The following DLG2 variants were observed in gnomAD, a reference collection of about 807,000 sequenced individuals.
The protein encoded by DLG2 is discs large MAGUK scaffold protein 2.
A neutral mutation model predicts 132.5 loss-of-function variants in DLG2; 45 were observed. The ratio of observed to expected loss-of-function variants is 0.34; its 90% confidence interval spans 0.27 to 0.44. The LOEUF is 0.44. Ranked by LOEUF, DLG2 falls within the 20% of genes least tolerant of loss-of-function variation. DLG2 has a pLI of 1.00. For missense variants in DLG2, 1,045 were observed against 1,196.9 expected, an observed-to-expected ratio of 0.87 and a Z score of 1.87; for synonymous variants, 424 against 419.6, an observed-to-expected ratio of 1.01 and a Z score of -0.13.
intron 6 of DLG2, among the ~76,000 whole-genome samples, chr11:84,888,925 AAGGTTCTG>A (rs2088827121): frequency 6.6e-6 from 1 of 152,150 alleles, no homozygotes; most frequent in Admixed American, 6.6e-5. Context: ...CACAACTGAA[AAGGTTCTG>A]AGGTAGATCT....
intron 18 of DLG2, chr11:83,643,854 T>TC (rs397801133): frequency 1.3e-5 from 2 of 152,036 alleles, no homozygotes; most frequent in African/African-American, 4.8e-5. Context: ...TTTTTTTTTT[T>TC]CCTACATTGA....
intron 6 of DLG2, among the ~76,000 whole-genome samples, chr11:84,989,677 A>G (rs1050342422): frequency 6.6e-6 from 1 of 152,236 alleles, no homozygotes; most frequent in Non-Finnish European, 1.5e-5. Flanking sequence ...CAAATTGAAA[A>G]AAGAATGTAG....
chr11:83,523,273 G>C (rs1453136360), intron 21 of DLG2, among the ~76,000 whole-genome samples: 1 of 152,152 alleles, frequency 6.6e-6, no homozygotes, highest in Non-Finnish European at 1.5e-5. Context: ...AATTAATGAT[G>C]AAAAGAAGAT....
At chr11:83,978,920 C>A (rs190282475) in intron 12 of DLG2, among the ~76,000 whole-genome samples, 16 of 152,202 alleles carry the variant, frequency 1.1e-4, no homozygotes, top group African/African-American at 3.9e-4. Context: ...AGCCAGATTG[C>A]CTCAATTTGA....
At chr11:84,164,376 A>C (rs2095614986) in intron 8 of DLG2, among the ~76,000 whole-genome samples, 1 of 152,238 alleles carries the variant, frequency 6.6e-6, no homozygotes, top group South Asian at 2.1e-4. Flanking sequence ...TATTTCTGAT[A>C]CGTGTCTTGG....
intron 6 of DLG2, among the ~76,000 whole-genome samples, chr11:84,579,614 G>T (rs545984585): frequency 2.1e-4 from 32 of 152,126 alleles, no homozygotes; most frequent in Admixed American, 3.9e-4. Context: ...AATATGGGGA[G>T]GTTGGCAAGG....
In DLG2 at chr11:84,581,763, C is replaced by T. The variant is rs568778672; in HGVS notation, c.358-47032G>A. On this transcript the variant is annotated intron_variant, in intron 6 of 27. Transcript: ENST00000376104. ...CTGTACTAAAAATACAAAAATTAGCCGGGCATGGTGGCATGTGCCTGTACT... is the reference window on the plus strand; with the variant it reads ...CTGTACTAAAAATACAAAAATTAGCTGGGCATGGTGGCATGTGCCTGTACT... Among the ~76,000 whole-genome samples, 42 of 151,726 alleles carry T rather than the reference C, an allele frequency of 2.8e-4. 1 individual carries two copies. Among genetic ancestry groups the T allele is most frequent in the African/African-American group, 7.0e-4 (29 of 41,400 alleles).
At chr11:85,014,206 C>T (rs532002178) in intron 6 of DLG2, among the ~76,000 whole-genome samples, 1 of 152,286 alleles carries the variant, frequency 6.6e-6, no homozygotes, top group South Asian at 2.1e-4. Flanking sequence ...CTTAACTTTT[C>T]TGAGCCTTAA....
In DLG2 at chr11:85,200,729, C is replaced by T. The variant is rs866254530; in HGVS notation, c.187-46078G>A. ...CAGAGACCTCCTGGAGATACACATGCTCATTAGAGCCAATGAGAAGGGTTC... is the reference window on the plus strand; with the variant it reads ...CAGAGACCTCCTGGAGATACACATGTTCATTAGAGCCAATGAGAAGGGTTC... On this transcript the variant is annotated intron_variant, in intron 4 of 27. Coordinates refer to ENST00000376104, the MANE Select transcript of DLG2 (RefSeq NM_001142699.3). 3.3e-5 allele frequency among the ~76,000 whole-genome samples: 5 copies of T among 152,248 alleles called. No homozygotes were observed. In the South Asian group the frequency reaches 8.3e-4, roughly 25 times the overall value.
At chr11:83,964,838 C>A (rs991062790) in intron 13 of DLG2, among the ~76,000 whole-genome samples, 4 of 151,888 alleles carry the variant, frequency 2.6e-5, no homozygotes, top group African/African-American at 9.7e-5. Flanking sequence ...ATAACAAATT[C>A]AAGTAAAGTA....
At position 83,501,363 on chromosome 11, in the gene DLG2, C is replaced by T. The variant is rs149986061; in HGVS notation, c.2194-17135G>A. 4.4e-3 allele frequency among the ~76,000 whole-genome samples: 676 copies of T among 152,078 alleles called. 3 individuals carry two copies. Among genetic ancestry groups the T allele is most frequent in the African/African-American group, 0.015 (631 of 41,496 alleles). On this transcript the variant is annotated intron_variant, in intron 21 of 27. Coordinates refer to ENST00000376104, the MANE Select transcript of DLG2 (RefSeq NM_001142699.3). ...GCTCTAGGGTCCATAGATGGAAGTC[C>T]GACTAACTGATCAGTGTTGGGCAGG...
intron 3 of DLG2, among the ~76,000 whole-genome samples, chr11:85,584,706 G>A (rs1254479936): frequency 6.6e-5 from 10 of 152,138 alleles, no homozygotes; most frequent in African/African-American, 2.4e-5. Context: ...GCAGTAGTAA[G>A]GTGGTATCTC....
chr11:85,462,593 T>C (rs999206956), intron 3 of DLG2, among the ~76,000 whole-genome samples: 1 of 151,974 alleles, frequency 6.6e-6, no homozygotes, highest in African/African-American at 2.4e-5. Context: ...TAGGTGGGAA[T>C]TGAACAATGA....
chr11:84,281,398 G>T, intron 7 of DLG2, among the ~76,000 whole-genome samples: 1 of 151,850 alleles, frequency 6.6e-6, no homozygotes, highest in Admixed American at 6.6e-5. Context: ...ATCTCATAAA[G>T]GACTTGTTTC....
chr11:84,378,462 C>A (rs1306001147), intron 7 of DLG2, among the ~76,000 whole-genome samples: 4 of 152,078 alleles, frequency 2.6e-5, no homozygotes, highest in Non-Finnish European at 5.9e-5. Flanking sequence ...AATATTTAGT[C>A]ATAGCAGCCT....
intron 3 of DLG2, among the ~76,000 whole-genome samples, chr11:85,511,181 A>G (rs981104524): frequency 6.6e-6 from 1 of 151,998 alleles, no homozygotes; most frequent in Non-Finnish European, 1.5e-5. Context: ...ATGAGAACAC[A>G]TGGACACAGG....
Position 84,224,187 on chromosome 11 carries a change from T to C in DLG2, c.573+27051A>G, listed in dbSNP as rs961325591. Among the ~76,000 whole-genome samples the C allele has an allele frequency of 2.6e-4, 39 of 152,186 alleles. 1 individual carries two copies. The highest frequency in any genetic ancestry group is 9.2e-4 in the African/African-American group (38 of 41,450). The stretch of plus-strand genomic sequence containing the variant: ...TGCAGCAGAGAGTTCTGACCTATGC[T>C]AGAAGAAGTTGAGAGCGGTTATTTC... On this transcript the variant is annotated intron_variant, in intron 8 of 27. Transcript: ENST00000376104.
At position 83,856,740 on chromosome 11, in the gene DLG2, C is replaced by T. The variant is rs375212122; in HGVS notation, c.1565+17680G>A. Among the ~76,000 whole-genome samples the T allele has an allele frequency of 9.2e-5, 14 of 152,182 alleles. No individual in the cohort carries two copies. In the East Asian group the frequency reaches 1.4e-3, roughly 15 times the overall value. On this transcript the variant is annotated intron_variant, in intron 16 of 27. Coordinates refer to ENST00000376104, the MANE Select transcript of DLG2 (RefSeq NM_001142699.3). ...AAGGATATTTGACCTTTCTCAGATGCGTAATTTGGAAATATTTTCTCCAAT... is the reference window on the plus strand; with the variant it reads ...AAGGATATTTGACCTTTCTCAGATGTGTAATTTGGAAATATTTTCTCCAAT...
At chr11:85,470,104 T>C (rs2092932665) in intron 3 of DLG2, among the ~76,000 whole-genome samples, 1 of 151,998 alleles carries the variant, frequency 6.6e-6, no homozygotes. Context: ...GCATTTGCTG[T>C]TCCTTCTGCC....
Sources: allele counts gnomAD v4.1 joint callset (sites outside exome capture counted in the v4.1 genomes callset), GRCh38; gene constraint gnomAD v4.1.1; transcripts MANE v1.5; gene names NCBI Gene and HGNC (gene_info 2026-07-23, HGNC 2026-07-21).